Variants in UBAP2 observed in about 807,000 individuals in gnomAD.
The protein encoded by UBAP2 is ubiquitin associated protein 2.
Under a neutral mutation model 139.6 loss-of-function variants are expected in UBAP2, and 75 were observed. The observed-to-expected ratio is 0.54, with a 90% confidence interval of 0.45 to 0.65. UBAP2 has a LOEUF of 0.65. Ranked by LOEUF, UBAP2 falls within the 30% of genes least tolerant of loss-of-function variation. The pLI is 0.00. For synonymous variants in UBAP2, 526 were observed against 526.2 expected (o/e 1.00, Z 0.01); for missense variants, 1,368 against 1,369.6 (o/e 1.00, Z 0.02).
At position 34,027,779 on chromosome 9, in the gene UBAP2, T is replaced by C. The variant is rs192967364; in HGVS notation, c.-41-10590A>G. Among the ~76,000 whole-genome samples, 771 of 149,882 alleles carry C rather than the reference T, an allele frequency of 5.1e-3. 8 individuals carry two copies. The highest frequency in any genetic ancestry group is 9.2e-3 in the Non-Finnish European group (623 of 67,684). On this transcript the variant is annotated intron_variant, in intron 1 of 28. Coordinates refer to ENST00000379238, the MANE Select transcript of UBAP2 (RefSeq NM_001370062.2). ...AGGAGACTGAGGCAGGAGAATGGTG[T>C]GAACCTGGGAGGCAAGAGCTTGCAG...
chr9:33,942,328 TAAG>T (rs1825298172), intron 15 of UBAP2, among the ~76,000 whole-genome samples: 2 of 149,054 alleles, frequency 1.3e-5, no homozygotes, highest in South Asian at 2.1e-4. Context: ...AGAAAAAAAA[TAAG>T]AAGATTCTTT....
chr9:33,925,435 G>C (rs1394420202), intron 22 of UBAP2, among the ~76,000 whole-genome samples: 11 of 152,170 alleles, frequency 7.2e-5, no homozygotes, highest in Non-Finnish European at 1.6e-4. Context: ...GATAGAAAGA[G>C]CAACATATCT....
At chr9:34,006,233 A>T (rs1823201453) in intron 2 of UBAP2, among the ~76,000 whole-genome samples, 1 of 150,106 alleles carries the variant, frequency 6.7e-6, no homozygotes, top group Admixed American at 6.6e-5. Context: ...GACTCATCTC[A>T]AAAAGAAAAA....
At chr9:34,006,431 G>T (rs1385859902) in intron 2 of UBAP2, among the ~76,000 whole-genome samples, 1 of 152,150 alleles carries the variant, frequency 6.6e-6, no homozygotes, top group East Asian at 1.9e-4. Flanking sequence ...TGTAATTCCA[G>T]CAGTTCAGAA....
At chr9:33,974,081 C>A (rs538423205) in intron 6 of UBAP2, among the ~76,000 whole-genome samples, 53 of 152,156 alleles carry the variant, frequency 3.5e-4, no homozygotes, top group African/African-American at 1.3e-3. Flanking sequence ...AACTTAGCTA[C>A]CTGACAGGCT....
At chr9:34,018,229 ATTTT>A (rs34798627) in intron 1 of UBAP2, among the ~76,000 whole-genome samples, 1 of 142,278 alleles carries the variant, frequency 7.0e-6, no homozygotes. Flanking sequence ...AGCGATTACA[ATTTT>A]TTTTTTTTTT....
At chr9:34,034,577 A>G (rs1027604386) in intron 1 of UBAP2, among the ~76,000 whole-genome samples, 1 of 152,182 alleles carries the variant, frequency 6.6e-6, no homozygotes, top group Admixed American at 6.6e-5. Context: ...TTATATGTCT[A>G]AAGAACCACT....
At chr9:34,043,077 C>T (rs956814348) in intron 1 of UBAP2, among the ~76,000 whole-genome samples, 2 of 152,078 alleles carry the variant, frequency 1.3e-5, no homozygotes, top group African/African-American at 4.8e-5. Flanking sequence ...CCAAAAAAAA[C>T]AACTCTACAT....
chr9:33,966,709 A>G (rs1827487990), intron 8 of UBAP2, among the ~76,000 whole-genome samples: 1 of 152,104 alleles, frequency 6.6e-6, no homozygotes, highest in East Asian at 1.9e-4. Context: ...TTTTTTTGGT[A>G]CTACTAAAAA....
intron 22 of UBAP2, among the ~76,000 whole-genome samples, chr9:33,926,311 G>T (rs986469482): frequency 6.6e-6 from 1 of 152,094 alleles, no homozygotes; most frequent in Non-Finnish European, 1.5e-5. Context: ...TTTTAAAAAA[G>T]AGAGAGAAAA....
chr9:33,965,025 G>A lies in UBAP2; in HGVS notation c.680-1234C>T, dbSNP rs932946054. On this transcript the variant is annotated intron_variant, in intron 8 of 28. Transcript: ENST00000379238. ...GACTAATAATGATGAGCACACTCAC[G>A]GATTTGTTTGCTATCCATTTATCAT... Among the ~76,000 whole-genome samples, 67 of 152,194 alleles carry A rather than the reference G, an allele frequency of 4.4e-4. 1 individual carries two copies. The highest frequency in any genetic ancestry group is 1.6e-3 in the African/African-American group (66 of 41,532).
intron 4 of UBAP2, 70 bp downstream of exon 4, chr9:33,996,153 G>A: frequency 8.4e-7 from 1 of 1,192,520 alleles, no homozygotes; most frequent in Non-Finnish European, 1.2e-6. Context: ...CCCCAAACAA[G>A]GTGAAGTTGA....
chr9:34,043,169 G>A (rs932969205), intron 1 of UBAP2, among the ~76,000 whole-genome samples: 2 of 152,122 alleles, frequency 1.3e-5, no homozygotes, highest in Non-Finnish European at 2.9e-5. Context: ...TCTACGGTAT[G>A]TATGCTGTTT....
At chr9:33,987,602 T>C (rs1274361355) in intron 5 of UBAP2, among the ~76,000 whole-genome samples, 1 of 152,094 alleles carries the variant, frequency 6.6e-6, no homozygotes, top group Non-Finnish European at 1.5e-5. Context: ...GAGTGAGACC[T>C]TGTCTCAAAA....
intron 12 of UBAP2, among the ~76,000 whole-genome samples, chr9:33,952,350 C>G (rs963354143): frequency 6.6e-6 from 1 of 152,140 alleles, no homozygotes; most frequent in Non-Finnish European, 1.5e-5. Flanking sequence ...ATCTTCACAG[C>G]CTTCACTAAC....
chr9:33,992,408 A>AAT (rs1284469430), intron 4 of UBAP2, among the ~76,000 whole-genome samples: 1 of 150,306 alleles, frequency 6.7e-6, no homozygotes, highest in Non-Finnish European at 1.5e-5. Flanking sequence ...AAAAAAAAAA[A>AAT]AATTAGCCAG....
chr9:33,945,730 T>G (rs986195673), intron 13 of UBAP2, among the ~76,000 whole-genome samples: 7 of 152,204 alleles, frequency 4.6e-5, no homozygotes, highest in Non-Finnish European at 1.0e-4. Flanking sequence ...TAATTTCCAT[T>G]GAGTGTCTCA....
chr9:34,009,108 T>G (rs1026166764), intron 2 of UBAP2, among the ~76,000 whole-genome samples: 2 of 137,550 alleles, frequency 1.5e-5, no homozygotes, highest in African/African-American at 2.9e-5. Context: ...TTTTGTTTTG[T>G]TTTTTTTTTG....
At chr9:33,980,023 A>C (rs924059288) in intron 6 of UBAP2, among the ~76,000 whole-genome samples, 12 of 151,666 alleles carry the variant, frequency 7.9e-5, no homozygotes, top group Admixed American at 3.9e-4. Flanking sequence ...CAGTGAGCCG[A>C]GATCACGCCA....
Sources: gnomAD v4.1 joint callset for allele counts (sites outside exome capture counted in the v4.1 genomes callset) on GRCh38, gnomAD v4.1.1 for gene constraint, MANE v1.5 for transcripts, NCBI Gene and HGNC (gene_info 2026-07-23, HGNC 2026-07-21) for gene names.